Variants in SYT15B observed in about 807,000 individuals in gnomAD.
SYT15B encodes the protein synaptotagmin-15.
chr10:47,749,423 CT>C, the SYT15B span, among the ~76,000 whole-genome samples: 1 of 150,136 alleles, frequency 6.7e-6, no homozygotes, highest in Non-Finnish European at 1.5e-5. Context: ...TGAATATTGA[CT>C]GCACATAGCA....
chr10:47,749,129 G>C, the SYT15B span, among the ~76,000 whole-genome samples: 1 of 84,924 alleles, frequency 1.2e-5, no homozygotes, highest in Admixed American at 1.5e-4. Flanking sequence ...CGCTACTCGG[G>C]AGGCTGAGGT....
chr10:47,758,093 TG>T, the SYT15B span: 80 of 901,580 alleles, frequency 8.9e-5, no homozygotes, highest in Admixed American at 1.0e-4. Context: ...GCTGGACACC[TG>T]GGGGGGACAA....
chr10:47,749,674 G>T, the SYT15B span, among the ~76,000 whole-genome samples: 42 of 151,200 alleles, frequency 2.8e-4, no homozygotes, highest in African/African-American at 9.5e-4. Context: ...CCAATGGTAG[G>T]GGGGGAAACG....
chr10:47,759,965 A>AG, the SYT15B span: 1 of 1,346,510 alleles, frequency 7.4e-7, no homozygotes, highest in African/African-American at 1.6e-5. Flanking sequence ...GGCCAGAGGA[A>AG]GGCAGGGGCA....
the SYT15B span, among the ~76,000 whole-genome samples, chr10:47,748,075 T>C: frequency 2.0e-5 from 3 of 152,132 alleles, no homozygotes; most frequent in African/African-American, 7.2e-5. Context: ...ACTGGAGTCT[T>C]AGAAGGGAGG....
the SYT15B span, among the ~76,000 whole-genome samples, chr10:47,755,555 CTTTTTTTT>C: frequency 1.2e-5 from 1 of 82,988 alleles, no homozygotes; most frequent in African/African-American, 4.8e-5. Context: ...GTGCCCGGCC[CTTTTTTTT>C]TTTTTTTTTT....
chr10:47,763,097 C>T, the SYT15B span: 1 of 995,902 alleles, frequency 1.0e-6, no homozygotes, highest in African/African-American at 1.7e-5. Context: ...TGAGCCCCCG[C>T]CCTCCCAGAT....
the SYT15B span, among the ~76,000 whole-genome samples, chr10:47,755,584 A>T: frequency 2.9e-5 from 3 of 103,420 alleles, no homozygotes; most frequent in Admixed American, 1.2e-4. Context: ...TTTTTGACAG[A>T]TTCAGCAGCC....
the SYT15B span, among the ~76,000 whole-genome samples, chr10:47,745,843 C>T: frequency 6.7e-6 from 1 of 149,608 alleles, no homozygotes; most frequent in Non-Finnish European, 1.5e-5. Flanking sequence ...CTTCTCTGAC[C>T]CTTGATTTGG....
the SYT15B span, among the ~76,000 whole-genome samples, chr10:47,755,571 T>TC: frequency 1.4e-5 from 2 of 145,102 alleles, no homozygotes; most frequent in Non-Finnish European, 3.0e-5. Flanking sequence ...TTTTTTTTTT[T>TC]TTTTTTTGAC....
At chr10:47,748,037 AGTG>A in the SYT15B span, among the ~76,000 whole-genome samples, 1 of 152,232 alleles carries the variant, frequency 6.6e-6, no homozygotes, top group African/African-American at 2.4e-5. Context: ...ACTTGTGGGA[AGTG>A]GTGAACAGGC....
chr10:47,756,771 C>T, the SYT15B span, among the ~76,000 whole-genome samples: 2 of 150,600 alleles, frequency 1.3e-5, no homozygotes, highest in East Asian at 4.0e-4. Flanking sequence ...CCTTCTGCAG[C>T]TCCTGTATTC....
chr10:47,756,742 G>C, the SYT15B span, among the ~76,000 whole-genome samples: 3 of 152,254 alleles, frequency 2.0e-5, no homozygotes, highest in Non-Finnish European at 2.9e-5. Flanking sequence ...TGGGACATGT[G>C]GGGTGAACCA....
chr10:47,762,301 G>A, the SYT15B span, among the ~76,000 whole-genome samples: 2 of 151,278 alleles, frequency 1.3e-5, no homozygotes, highest in Non-Finnish European at 2.9e-5. Context: ...GCTTCGCCCC[G>A]GGGGTGCTCA....
chr10:47,747,213 T>G, the SYT15B span, among the ~76,000 whole-genome samples: 2 of 151,860 alleles, frequency 1.3e-5, no homozygotes, highest in Non-Finnish European at 2.9e-5. Context: ...GGCAGCAGAG[T>G]CTTCAGCTGG....
At chr10:47,746,945 T>C in the SYT15B span, among the ~76,000 whole-genome samples, 6 of 123,736 alleles carry the variant, frequency 4.8e-5, no homozygotes, top group Admixed American at 5.2e-4. Flanking sequence ...ATTCTGAGAA[T>C]TTTTTTTCTG....
chr10:47,756,802 C>T, the SYT15B span, among the ~76,000 whole-genome samples: 2 of 147,736 alleles, frequency 1.4e-5, no homozygotes, highest in African/African-American at 2.5e-5. Flanking sequence ...AGCATCAGTG[C>T]CCATTGAGTC....
the SYT15B span, among the ~76,000 whole-genome samples, chr10:47,746,900 CA>C: frequency 1.7e-5 from 2 of 116,328 alleles, no homozygotes; most frequent in African/African-American, 6.5e-5. Flanking sequence ...TGTATAAAAT[CA>C]CTCTCTGCTG....
the SYT15B span, among the ~76,000 whole-genome samples, chr10:47,750,704 CG>C: frequency 1.6e-5 from 2 of 128,120 alleles, no homozygotes; most frequent in African/African-American, 5.8e-5. Context: ...TTCCAAAGTG[CG>C]GGGATAATAG....
Sources: allele counts gnomAD v4.1 joint callset (sites outside exome capture counted in the v4.1 genomes callset), GRCh38; gene constraint gnomAD v4.1.1; transcripts MANE v1.5; gene names NCBI Gene and HGNC (gene_info 2026-07-23, HGNC 2026-07-21).